Variants in QKI observed in about 807,000 individuals in gnomAD.
QKI encodes the protein QKI, KH domain containing RNA binding, also known as KH domain-containing RNA-binding protein QKI.
QKI carries 10 observed loss-of-function variants against 39.0 expected under a neutral mutation model. The ratio of observed to expected loss-of-function variants is 0.26; its 90% CI spans 0.16 to 0.43. QKI has a LOEUF of 0.43. QKI is among the 20% of genes least tolerant of loss of function. The pLI, the probability that QKI is intolerant of heterozygous loss-of-function variation, is 1.00. For synonymous variants in QKI, 204 were observed against 155.4 expected (o/e 1.31, Z -2.33); for missense variants, 218 against 428.0 (o/e 0.51, Z 4.33).
intron 4 of QKI, among the ~76,000 whole-genome samples, chr6:163,560,467 GGTAGCATTTA>G (rs1238511562): frequency 6.6e-6 from 1 of 152,154 alleles, no homozygotes; most frequent in African/African-American, 2.4e-5. Context: ...GGAGAAGGAA[GGTAGCATTTA>G]GGTTGAAGTT....
chr6:163,552,072 G>A (rs1782262940), intron 4 of QKI, among the ~76,000 whole-genome samples: 1 of 152,016 alleles, frequency 6.6e-6, no homozygotes, highest in South Asian at 2.1e-4. Flanking sequence ...TATTTTGTAT[G>A]TTATGTATAT....
chr6:163,538,446 CAG>C (rs1400809103), intron 4 of QKI, among the ~76,000 whole-genome samples: 3 of 152,044 alleles, frequency 2.0e-5, no homozygotes, highest in Non-Finnish European at 4.4e-5. Context: ...GAGGCATGTT[CAG>C]AGAGTATCCA....
intron 4 of QKI, among the ~76,000 whole-genome samples, chr6:163,540,994 A>T (rs1333696769): frequency 6.6e-6 from 1 of 151,434 alleles, no homozygotes; most frequent in Non-Finnish European, 1.5e-5. Flanking sequence ...TGTTTTATTG[A>T]TATCTGCTTT....
At chr6:163,570,572 T>G in intron 7 of QKI, 122 bp from the exon 8 acceptor site, 1 of 1,523,114 alleles carries the variant, frequency 6.6e-7, no homozygotes, top group Non-Finnish European at 8.7e-7. Context: ...CATGCTTTTT[T>G]TTTTATTAGT....
chr6:163,522,877 C>T (rs935133811), intron 3 of QKI, among the ~76,000 whole-genome samples: 1 of 151,746 alleles, frequency 6.6e-6, no homozygotes, highest in Non-Finnish European at 1.5e-5. Context: ...TTGGGGAGTA[C>T]GAACACTGCA....
intron 4 of QKI, among the ~76,000 whole-genome samples, chr6:163,547,976 C>G (rs1049930451): frequency 6.6e-6 from 1 of 152,160 alleles, no homozygotes. Context: ...GCCTACTTTT[C>G]CAACTTTGTT....
chr6:163,415,832 C>G (rs1787414990), intron 1 of QKI: 3 of 472,242 alleles, frequency 6.4e-6, no homozygotes, highest in African/African-American at 2.0e-5. Flanking sequence ...TCTCCCCTCC[C>G]GTGAGGACTA....
chr6:163,474,961 A>AT (rs1792482022), intron 2 of QKI, among the ~76,000 whole-genome samples: 2 of 151,960 alleles, frequency 1.3e-5, no homozygotes, highest in Admixed American at 6.6e-5. Context: ...AAATGGAGAA[A>AT]TTTTACCATG....
chr6:163,490,477 A>G (rs1777984369), intron 3 of QKI, among the ~76,000 whole-genome samples: 1 of 152,154 alleles, frequency 6.6e-6, no homozygotes, highest in African/African-American at 2.4e-5. Flanking sequence ...TTTTAAAGGA[A>G]GCTGGAGAAG....
At chr6:163,417,028 TACTC>T (rs1306603148) in intron 1 of QKI, among the ~76,000 whole-genome samples, 2 of 152,232 alleles carry the variant, frequency 1.3e-5, no homozygotes, top group African/African-American at 4.8e-5. Context: ...ATGTGTAACA[TACTC>T]AATCTGACTG....
At chr6:163,519,402 C>T (rs1780016726) in intron 3 of QKI, among the ~76,000 whole-genome samples, 1 of 151,934 alleles carries the variant, frequency 6.6e-6, no homozygotes, top group Admixed American at 6.6e-5. Flanking sequence ...TGCCAGATTT[C>T]CTGTGGGCCT....
At chr6:163,480,356 A>C (rs746060032) in intron 3 of QKI, among the ~76,000 whole-genome samples, 2 of 151,774 alleles carry the variant, frequency 1.3e-5, no homozygotes, top group Non-Finnish European at 2.9e-5. Context: ...GCTGTGTTAG[A>C]CCAGTACGCT....
chr6:163,548,834 G>A (rs999180303), intron 4 of QKI, among the ~76,000 whole-genome samples: 1 of 152,196 alleles, frequency 6.6e-6, no homozygotes, highest in African/African-American at 2.4e-5. Flanking sequence ...CAGAGTGGAT[G>A]TGTGAAAGGA....
At chr6:163,519,099 A>G (rs975854351) in intron 3 of QKI, among the ~76,000 whole-genome samples, 3 of 152,290 alleles carry the variant, frequency 2.0e-5, no homozygotes, top group Admixed American at 1.3e-4. Context: ...TAATAAATGT[A>G]GAGAGCTGAA....
rs187366034 is a variant in QKI at position 163,420,099 on chromosome 6, G to T, written c.142+4764G>T. Among the ~76,000 whole-genome samples the T allele has an allele frequency of 2.9e-3, 436 of 148,564 alleles. 3 individuals carry two copies. The highest frequency in any genetic ancestry group is 4.3e-3 in the Non-Finnish European group (287 of 67,338). On this transcript the variant is annotated intron_variant, in intron 1 of 7. Transcript: ENST00000361752. ...CTGGCCTTCACCGAAGCATGATTCA[G>T]ATTCTTTTTTTGAGGCCAATATACT...
At chr6:163,557,819 A>T (rs1002744762) in intron 4 of QKI, among the ~76,000 whole-genome samples, 3 of 128,408 alleles carry the variant, frequency 2.3e-5, no homozygotes, top group East Asian at 2.0e-4. Flanking sequence ...ACAAAAACTT[A>T]AAAAAAAAAA....
At chr6:163,416,420 T>A (rs1037756176) in intron 1 of QKI, 9 of 158,036 alleles carry the variant, frequency 5.7e-5, no homozygotes, top group East Asian at 1.8e-4. Context: ...GCCAGGAGTT[T>A]GTTTGTTTTT....
At chr6:163,440,667 CTTTTAAGAGGTCTTA>C (rs970204818) in intron 1 of QKI, among the ~76,000 whole-genome samples, 2 of 152,124 alleles carry the variant, frequency 1.3e-5, no homozygotes, top group Non-Finnish European at 2.9e-5. Flanking sequence ...TTAGAGGTTT[CTTTTAAGAGGTCTTA>C]TTTTGCTACT....
Position 163,415,732 on chromosome 6 carries a change from A to G in QKI, c.142+397A>G, listed in dbSNP as rs1408273235. Among the ~76,000 whole-genome samples, 10 of 151,666 alleles carry G rather than the reference A, an allele frequency of 6.6e-5. No homozygotes were observed. In the East Asian group the frequency reaches 1.8e-3, roughly 27 times the overall value. ...GGCCCACGCCGCGCCGCCGGCCTGG[A>G]GGACGCGTGTGCCCGGCGCGGGCCC... On this transcript the variant is annotated intron_variant, in intron 1 of 7. Coordinates refer to ENST00000361752, the MANE Select transcript of QKI (RefSeq NM_006775.3).
Sources: allele counts gnomAD v4.1 joint callset (sites outside exome capture counted in the v4.1 genomes callset), GRCh38; gene constraint gnomAD v4.1.1; transcripts MANE v1.5; gene names NCBI Gene and HGNC (gene_info 2026-07-23, HGNC 2026-07-21).